The following PRKG1 variants were observed in gnomAD, a reference collection of about 807,000 sequenced individuals.
PRKG1 encodes the protein protein kinase cGMP-dependent 1, also known as cGMP-dependent protein kinase 1.
Under a neutral mutation model 88.1 loss-of-function variants are expected in PRKG1, and 35 were observed. The observed-to-expected ratio is 0.40, with a 90% confidence interval of 0.30 to 0.53. The LOEUF (loss-of-function observed/expected upper bound fraction) is 0.53. Ranked by LOEUF, PRKG1 falls within the 20% of genes least tolerant of loss-of-function variation. The pLI is 0.59. For synonymous variants in PRKG1, 303 were observed against 292.5 expected (o/e 1.04, Z -0.37); for missense variants, 540 against 839.8 (o/e 0.64, Z 4.41).
At chr10:51,138,978 G>C (rs1483210538) in intron 1 of PRKG1, among the ~76,000 whole-genome samples, 4 of 152,072 alleles carry the variant, frequency 2.6e-5, no homozygotes, top group African/African-American at 9.6e-5. Flanking sequence ...CACTCCGCCC[G>C]GCCACATTTT....
At chr10:51,109,634 T>C (rs1258307778) in intron 1 of PRKG1, among the ~76,000 whole-genome samples, 3 of 152,176 alleles carry the variant, frequency 2.0e-5, no homozygotes, top group African/African-American at 4.8e-5. Context: ...TAGTTTTATA[T>C]GTAAACCTTC....
intron 4 of PRKG1, among the ~76,000 whole-genome samples, chr10:51,906,968 G>A (rs1842099673): frequency 6.6e-6 from 1 of 152,084 alleles, no homozygotes; most frequent in Non-Finnish European, 1.5e-5. Flanking sequence ...TCAGTCTTAA[G>A]ATTTCTATTT....
intron 2 of PRKG1, among the ~76,000 whole-genome samples, chr10:51,253,429 G>A (rs1303593566): frequency 1.3e-5 from 2 of 151,764 alleles, no homozygotes; most frequent in African/African-American, 2.4e-5. Context: ...GCTTAATTTG[G>A]GGAAAAGAAC....
intron 3 of PRKG1, among the ~76,000 whole-genome samples, chr10:51,620,585 A>G (rs1222801784): frequency 6.6e-6 from 1 of 151,992 alleles, no homozygotes; most frequent in East Asian, 1.9e-4. Context: ...TCGTTGTGTA[A>G]TTTCTAGGGC....
At chr10:51,643,456 A>T (rs1176002039) in intron 3 of PRKG1, among the ~76,000 whole-genome samples, 1 of 152,196 alleles carries the variant, frequency 6.6e-6, no homozygotes, top group Non-Finnish European at 1.5e-5. Context: ...TTGACATTTG[A>T]CAAATATTGG....
chr10:51,681,557 A>G (rs1181701418), intron 3 of PRKG1, among the ~76,000 whole-genome samples: 2 of 152,152 alleles, frequency 1.3e-5, no homozygotes, highest in Admixed American at 6.5e-5. Flanking sequence ...TTTCTCTCTT[A>G]TATCTCTAAC....
rs187932279 is a variant in PRKG1, at chr10:51,897,429, T to C, written c.699-10078T>C. On this transcript the variant is annotated intron_variant, in intron 4 of 17. Coordinates refer to ENST00000373980, the MANE Select transcript of PRKG1 (RefSeq NM_006258.4). The stretch of plus-strand genomic sequence containing the variant: ...TAATATAACTCTGTATGCTTCTTCC[T>C]AGGTAGAGGACATTGTTGAACTATT... Among the ~76,000 whole-genome samples the C allele has an allele frequency of 4.2e-4, 64 of 152,276 alleles. 1 individual carries two copies. The highest frequency in any genetic ancestry group is 3.9e-3 in the Admixed American group (59 of 15,278).
intron 4 of PRKG1, among the ~76,000 whole-genome samples, chr10:51,837,093 A>G (rs1400426955): frequency 2.0e-5 from 3 of 152,152 alleles, no homozygotes; most frequent in Admixed American, 6.6e-5. Context: ...CTCTTCTGCT[A>G]TTGAGGCTTG....
At chr10:51,356,421 C>A (rs1413227185) in intron 2 of PRKG1, among the ~76,000 whole-genome samples, 2 of 151,960 alleles carry the variant, frequency 1.3e-5, no homozygotes, top group African/African-American at 4.8e-5. Flanking sequence ...TAGTTATCTG[C>A]CCATGAAAGG....
intron 2 of PRKG1, among the ~76,000 whole-genome samples, chr10:51,454,165 C>T (rs961393944): frequency 6.6e-6 from 1 of 151,978 alleles, no homozygotes; most frequent in Non-Finnish European, 1.5e-5. Context: ...AATGACCATA[C>T]TGCCAAAAGC....
intron 2 of PRKG1, chr10:51,302,662 C>T (rs1221308812): frequency 6.6e-6 from 1 of 151,500 alleles, no homozygotes; most frequent in African/African-American, 2.4e-5. Context: ...GGAAAAGCTT[C>T]CAGGCTACAA....
intron 3 of PRKG1, among the ~76,000 whole-genome samples, chr10:51,480,109 T>G (rs1414099532): frequency 1.3e-5 from 2 of 152,118 alleles, no homozygotes; most frequent in Admixed American, 6.5e-5. Context: ...CCAGATGAGA[T>G]CTTAAGGCAT....
chr10:51,670,785 T>A (rs564074347), intron 3 of PRKG1, among the ~76,000 whole-genome samples: 36 of 148,338 alleles, frequency 2.4e-4, no homozygotes, highest in Middle Eastern at 3.2e-3. Context: ...AATAAATAAA[T>A]AAAAATGCAA....
At chr10:51,601,326 A>G (rs1838593594) in intron 3 of PRKG1, among the ~76,000 whole-genome samples, 1 of 152,186 alleles carries the variant, frequency 6.6e-6, no homozygotes, top group Non-Finnish European at 1.5e-5. Flanking sequence ...TTGAAAAATA[A>G]AACCGTACAT....
At chr10:50,997,435 GA>G (rs1173291108) in intron 1 of PRKG1, among the ~76,000 whole-genome samples, 2 of 152,080 alleles carry the variant, frequency 1.3e-5, no homozygotes, top group African/African-American at 4.8e-5. Flanking sequence ...TAACAGACCT[GA>G]AAAAACAAAA....
intron 3 of PRKG1, among the ~76,000 whole-genome samples, chr10:51,563,899 G>A (rs1837533648): frequency 6.6e-6 from 1 of 151,996 alleles, no homozygotes; most frequent in South Asian, 2.1e-4. Flanking sequence ...TAGGACATAT[G>A]TTTACTGATA....
intron 1 of PRKG1, among the ~76,000 whole-genome samples, chr10:51,089,468 C>CT (rs1166826075): frequency 6.6e-6 from 1 of 152,092 alleles, no homozygotes; most frequent in African/African-American, 2.4e-5. Context: ...TAAGGAAATA[C>CT]TTTTTAACTA....
intron 5 of PRKG1, among the ~76,000 whole-genome samples, chr10:51,991,130 A>G (rs1282697644): frequency 3.3e-5 from 5 of 152,062 alleles, no homozygotes; most frequent in Non-Finnish European, 7.4e-5. Flanking sequence ...TTTCATTTTC[A>G]GATACTTTTC....
intron 2 of PRKG1, among the ~76,000 whole-genome samples, chr10:51,418,734 T>C (rs1028705200): frequency 2.0e-5 from 3 of 152,150 alleles, no homozygotes; most frequent in Non-Finnish European, 2.9e-5. Context: ...TGTAGCCCCA[T>C]AGAAAACTAC....
Sources: allele counts gnomAD v4.1 joint callset (sites outside exome capture counted in the v4.1 genomes callset), GRCh38; gene constraint gnomAD v4.1.1; transcripts MANE v1.5; gene names NCBI Gene and HGNC (gene_info 2026-07-23, HGNC 2026-07-21).